Variants in NEGR1 observed in about 807,000 individuals in gnomAD.
NEGR1 encodes the protein IgLON family member 4.
In NEGR1, 10 loss-of-function variants were observed where a neutral mutation model predicts 40.9. The ratio of observed to expected loss-of-function variants is 0.24; its 90% CI spans 0.15 to 0.42. The LOEUF (loss-of-function observed/expected upper bound fraction) is 0.42, where lower values mean the gene tolerates loss of function less well. Among genes scored for constraint, NEGR1 ranks in the 10% least tolerant of loss-of-function variants. The pLI is 1.00. For missense variants in NEGR1, 352 were observed against 438.9 expected (o/e 0.80, Z 1.77); for synonymous variants, 185 against 166.8 (o/e 1.11, Z -0.84).
At chr1:72,148,023 G>C (rs12136617) in intron 1 of NEGR1, among the ~76,000 whole-genome samples, 33,883 of 151,656 alleles carry the variant, frequency 0.22, 4,237 homozygotes, top group Non-Finnish European at 0.29. Flanking sequence ...CATGGTGCAA[G>C]CTGTTGGTAG....
chr1:71,577,033 T>C (rs1648986429), intron 6 of NEGR1, among the ~76,000 whole-genome samples: 1 of 152,210 alleles, frequency 6.6e-6, no homozygotes, highest in East Asian at 1.9e-4. Context: ...TTATTTTGGG[T>C]TTTGTCACTT....
At chr1:72,103,776 T>A (rs914278006) in intron 1 of NEGR1, among the ~76,000 whole-genome samples, 1 of 152,062 alleles carries the variant, frequency 6.6e-6, no homozygotes. Flanking sequence ...GTCTGATCCA[T>A]CCCTAGTAGG....
At chr1:71,829,266 C>T (rs1435863265) in intron 2 of NEGR1, among the ~76,000 whole-genome samples, 1 of 151,746 alleles carries the variant, frequency 6.6e-6, no homozygotes, top group Non-Finnish European at 1.5e-5. Context: ...AAACTGAAAT[C>T]TTCATTTCTT....
intron 2 of NEGR1, among the ~76,000 whole-genome samples, chr1:71,788,677 ATG>A (rs10691626): frequency 3.5e-4 from 52 of 148,950 alleles, no homozygotes; most frequent in East Asian, 1.2e-3. Context: ...GAATACAAGC[ATG>A]TGTGTGTGTG....
chr1:71,575,519 C>A (rs147496884), intron 6 of NEGR1, among the ~76,000 whole-genome samples: 3,802 of 152,342 alleles, frequency 0.025, 62 homozygotes, highest in Non-Finnish European at 0.037. Context: ...CACGGTGGCT[C>A]ATGCCTGTAA....
At chr1:72,117,996 G>C (rs904539707) in intron 1 of NEGR1, among the ~76,000 whole-genome samples, 1 of 151,816 alleles carries the variant, frequency 6.6e-6, no homozygotes, top group African/African-American at 2.4e-5. Context: ...GAAATGGAAG[G>C]AAGTCATCAA....
At chr1:71,911,792 A>C (rs1661427145) in intron 2 of NEGR1, among the ~76,000 whole-genome samples, 1 of 152,198 alleles carries the variant, frequency 6.6e-6, no homozygotes, top group African/African-American at 2.4e-5. Flanking sequence ...AACAGTAAGA[A>C]ATTTAAAGGG....
chr1:72,115,652 G>A (rs755965709), intron 1 of NEGR1, among the ~76,000 whole-genome samples: 4 of 151,684 alleles, frequency 2.6e-5, no homozygotes, highest in African/African-American at 4.8e-5. Context: ...GGGAAAGGTC[G>A]TGTTTTTAAT....
At chr1:71,957,501 T>A (rs17097636) in intron 1 of NEGR1, among the ~76,000 whole-genome samples, 36,625 of 151,994 alleles carry the variant, frequency 0.24, 4,473 homozygotes, top group Middle Eastern at 0.33. Flanking sequence ...TGACCCATGA[T>A]CAGTAAATAT....
intron 1 of NEGR1, among the ~76,000 whole-genome samples, chr1:72,009,553 G>A (rs539020674): frequency 2.0e-5 from 3 of 152,088 alleles, no homozygotes; most frequent in African/African-American, 2.4e-5. Context: ...GGACAAAGCA[G>A]TCTTCAAAGA....
chr1:71,664,103 T>A (rs1332483645), intron 4 of NEGR1, among the ~76,000 whole-genome samples: 2 of 152,196 alleles, frequency 1.3e-5, no homozygotes, highest in African/African-American at 4.8e-5. Flanking sequence ...TGTGTGTGAT[T>A]TAATTTGTAT....
rs17092138 is a variant in NEGR1 at position 72,023,492 on chromosome 1, T to C, written c.177-88181A>G. Among the ~76,000 whole-genome samples, 652 of 151,912 alleles carry C rather than the reference T, an allele frequency of 4.3e-3. 2 individuals are homozygous for C. The highest frequency in any genetic ancestry group is 0.015 in the African/African-American group (602 of 41,414). On this transcript the variant is annotated intron_variant, in intron 1 of 6. Coordinates refer to ENST00000357731, the MANE Select transcript of NEGR1 (RefSeq NM_173808.3). ...AAATTCAGATGCAAATTCTCCCACATAGAAAGCCCAACCAGCCTGTTTTTG... is the reference window on the plus strand; with the variant it reads ...AAATTCAGATGCAAATTCTCCCACACAGAAAGCCCAACCAGCCTGTTTTTG...
At position 71,850,980 on chromosome 1, in the gene NEGR1, C is replaced by T. The variant is rs368164732; in HGVS notation, c.410-74683G>A. ...GTAGTCTCATGGACCATGTGCCAGA[C>T]TACCTGTATTTATCAAAATCATCCA... On this transcript the variant is annotated intron_variant, in intron 2 of 6. Transcript: ENST00000357731. Among the ~76,000 whole-genome samples, 15 of 152,252 alleles carry T rather than the reference C, an allele frequency of 9.9e-5. No homozygotes were observed. The East Asian group carries it at 2.1e-3, about 22-fold the overall frequency.
At chr1:72,259,847 A>C (rs1009426591) in intron 1 of NEGR1, among the ~76,000 whole-genome samples, 2 of 152,116 alleles carry the variant, frequency 1.3e-5, no homozygotes, top group Admixed American at 6.5e-5. Context: ...ATCGCTATGC[A>C]GGTAGAGTTT....
At chr1:72,016,962 T>C (rs10518395) in intron 1 of NEGR1, among the ~76,000 whole-genome samples, 12,469 of 152,238 alleles carry the variant, frequency 0.082, 523 homozygotes, top group African/African-American at 0.11. Context: ...TTATTGCATT[T>C]GGTTTTAGAT....
rs71723530 is a variant in NEGR1, at chr1:72,036,655, C to CA, written c.177-101345dup. 6.1e-3 allele frequency among the ~76,000 whole-genome samples: 654 copies of CA among 107,714 alleles called. 9 individuals are homozygous for CA. The highest frequency in any genetic ancestry group is 0.029 in the Middle Eastern group (6 of 206). 70.7% of individuals were successfully genotyped at this position (107,714 alleles called of 152,430 possible). On this transcript the variant is annotated intron_variant, in intron 1 of 6. Coordinates refer to ENST00000357731, the MANE Select transcript of NEGR1 (RefSeq NM_173808.3). ...TGGGAGACAGAGCGAGACTCCATCT[C>CA]AAAAAAAAAAAAAAAAGCAATATTA...
intron 2 of NEGR1, among the ~76,000 whole-genome samples, chr1:71,921,990 A>C (rs144735197): frequency 6.6e-6 from 1 of 152,224 alleles, no homozygotes; most frequent in East Asian, 1.9e-4. Context: ...TACGTGATGA[A>C]AGTCTAAGAA....
intron 1 of NEGR1, among the ~76,000 whole-genome samples, chr1:72,077,856 C>A (rs1647817871): frequency 6.6e-6 from 1 of 151,682 alleles, no homozygotes; most frequent in Admixed American, 6.6e-5. Context: ...AAATCAAGCA[C>A]AAAGAATTAA....
chr1:71,497,718 T>G (rs1646973863), intron 6 of NEGR1, among the ~76,000 whole-genome samples: 1 of 152,134 alleles, frequency 6.6e-6, no homozygotes, highest in Non-Finnish European at 1.5e-5. Flanking sequence ...AAGGCTTATT[T>G]AATATGCTGC....
Sources: gnomAD v4.1 joint callset for allele counts (sites outside exome capture counted in the v4.1 genomes callset) on GRCh38, gnomAD v4.1.1 for gene constraint, MANE v1.5 for transcripts, NCBI Gene and HGNC (gene_info 2026-07-23, HGNC 2026-07-21) for gene names.